Variants in KARS1 observed in about 807,000 individuals in gnomAD.
KARS1 encodes the protein lysine--tRNA ligase.
Under a neutral mutation model 63.9 loss-of-function variants are expected in KARS1, and 50 were observed. That is an observed-to-expected ratio of 0.78 (90% CI 0.62 to 0.99). The LOEUF (loss-of-function observed/expected upper bound fraction) is 0.99, where lower values mean the gene tolerates loss of function less well. Among genes scored for constraint, KARS1 ranks in the 50% least tolerant of loss-of-function variants. The probability of loss-of-function intolerance (pLI) is 0.00; values close to 1 mark genes in which losing one functional copy is unlikely to be tolerated. For synonymous variants in KARS1, 320 were observed against 264.6 expected (o/e 1.21, Z -2.03); for missense variants, 816 against 754.5 (o/e 1.08, Z -0.95).
At chr16:75,646,224 C>A (rs566915949) in intron 1 of KARS1, among the ~76,000 whole-genome samples, 1 of 152,292 alleles carries the variant, frequency 6.6e-6, no homozygotes, top group Non-Finnish European at 1.5e-5. Flanking sequence ...ATATTTGAAG[C>A]ACAAAGCCAG....
At chr16:75,645,179 C>A (rs573392882) in intron 1 of KARS1, among the ~76,000 whole-genome samples, 3 of 151,984 alleles carry the variant, frequency 2.0e-5, no homozygotes, top group African/African-American at 7.2e-5. Flanking sequence ...TTCCCCAGAA[C>A]AATAAACGGA....
intron 2 of KARS1, 30 bp from the exon 3 acceptor site, chr16:75,640,379 C>T: frequency 6.4e-7 from 1 of 1,564,128 alleles, no homozygotes; most frequent in Non-Finnish European, 8.8e-7. Flanking sequence ...AAAAGCCCTT[C>T]AGAAGTTGAA....
At chr16:75,646,986 G>A (rs1334461639) in intron 1 of KARS1, among the ~76,000 whole-genome samples, 1 of 152,138 alleles carries the variant, frequency 6.6e-6, no homozygotes, top group African/African-American at 2.4e-5. Context: ...CAGGGATTTG[G>A]GAGTGGTTAA....
intron 3 of KARS1, 95 bp downstream of exon 3, chr16:75,640,089 T>C: frequency 1.9e-6 from 2 of 1,033,532 alleles, no homozygotes; most frequent in Non-Finnish European, 3.1e-6. Flanking sequence ...ACAGGCTACT[T>C]GAGAACAAGA....
At position 75,631,589 on chromosome 16, in the gene KARS1, C is replaced by T. The variant is rs1417401500; in HGVS notation, c.1079G>A (p.Gly360Glu). ...ACTGCCTGTAATATGCTTCACCATCCCTGGGAGAGAAACCTGTTATTTAGC... is the reference window on the plus strand; with the variant it reads ...ACTGCCTGTAATATGCTTCACCATCTCTGGGAGAGAAACCTGTTATTTAGC... Reference protein sequence around the residue: ...LMEITEKMVSGMVKHITGSYK... With the variant: ...LMEITEKMVSEMVKHITGSYK... The change falls in exon 9 of 14, where the codon GGG becomes GAG. Residue 360 changes from glycine to glutamate, a missense_variant and splice_region_variant. Transcript: ENST00000302445. The T allele has an allele frequency of 6.2e-7, 1 of 1,614,108 alleles. No individual in the cohort carries two copies. The highest frequency in any genetic ancestry group is 2.2e-5 in the East Asian group (1 of 44,882).
Position 75,644,366 on chromosome 16 carries a change from C to T in KARS1, c.63-2643G>A, listed in dbSNP as rs771485286. 1.9e-6 allele frequency: 3 copies of T among 1,612,436 alleles called. No individual in the cohort carries two copies. The highest frequency in any genetic ancestry group is 1.1e-5 in the South Asian group (1 of 90,574). Reference sequence around the variant, plus strand: ...CCAGTCGCAGTTCCCTGTGACCCCACTCTGCCCAGGAGGTTTTGCGCAGGG... The same window carrying T: ...CCAGTCGCAGTTCCCTGTGACCCCATTCTGCCCAGGAGGTTTTGCGCAGGG... On this transcript the variant is annotated intron_variant, in intron 1 of 13. Transcript: ENST00000302445.
chr16:75,645,925 G>A (rs2082277682), intron 1 of KARS1, among the ~76,000 whole-genome samples: 1 of 151,438 alleles, frequency 6.6e-6, no homozygotes, highest in Admixed American at 6.6e-5. Flanking sequence ...CTCTGAACTG[G>A]AAACCGTGCT....
chr16:75,646,266 G>C (rs575715690), intron 1 of KARS1, among the ~76,000 whole-genome samples: 2 of 152,216 alleles, frequency 1.3e-5, no homozygotes, highest in Non-Finnish European at 2.9e-5. Flanking sequence ...GCCAGGGGTG[G>C]TGGCTCAGGC....
chr16:75,641,737 G>A lies in KARS1; in HGVS notation c.63-14C>T. Reference sequence around the variant, plus strand: ...CTCTTCAGCTCACTGTTGGAAAGATGAAAGCGTTCAATGTGTTAGCTGCCT... The same window carrying A: ...CTCTTCAGCTCACTGTTGGAAAGATAAAAGCGTTCAATGTGTTAGCTGCCT... On this transcript the variant is annotated splice_polypyrimidine_tract_variant and intron_variant, in intron 1 of 13. Transcript: ENST00000302445. The A allele has an allele frequency of 6.2e-7, 1 of 1,613,326 alleles. No homozygotes were observed. Among genetic ancestry groups the A allele is most frequent in the Non-Finnish European group, 8.5e-7 (1 of 1,179,984 alleles).
chr16:75,639,004 C>T (rs2082194067), intron 3 of KARS1, among the ~76,000 whole-genome samples: 1 of 151,286 alleles, frequency 6.6e-6, no homozygotes, highest in East Asian at 2.0e-4. Flanking sequence ...TCCGTCTCTA[C>T]TAAAGATACA....
At chr16:75,635,487 A>G (rs779355345) in intron 6 of KARS1, 193 bp downstream of exon 6, 17 of 667,688 alleles carry the variant, frequency 2.5e-5, no homozygotes, top group African/African-American at 1.1e-4. Flanking sequence ...TACCTTGTCC[A>G]TTATCTTGGA....
chr16:75,644,146 C>G, intron 1 of KARS1: 1 of 668,216 alleles, frequency 1.5e-6, no homozygotes, highest in Non-Finnish European at 2.6e-6. Context: ...TGAGAAAGGA[C>G]TATTGGTTTT....
intron 1 of KARS1, chr16:75,647,328 C>T: frequency 3.3e-6 from 2 of 600,648 alleles, no homozygotes; most frequent in Non-Finnish European, 3.0e-6. Flanking sequence ...GTTCCTCCTC[C>T]ACAGTCTCTT....
chr16:75,634,345 A>G, intron 6 of KARS1, 53 bp from the exon 7 acceptor site: 1 of 1,596,484 alleles, frequency 6.3e-7, no homozygotes, highest in Middle Eastern at 1.9e-4. Flanking sequence ...GGCCTTGGGG[A>G]CAGACCATGC....
chr16:75,631,758 C>G lies in KARS1; in HGVS notation c.1013G>C (p.Cys338Ser), dbSNP rs1368396069. ...GTCTGCATAGGCCATGTAGAACTCACAGGTGGTGAACTCAGGATTGTGCGT... is the reference window on the plus strand; with the variant it reads ...GTCTGCATAGGCCATGTAGAACTCAGAGGTGGTGAACTCAGGATTGTGCGT... ...DLTHNPEFTT[C>S]EFYMAYADYH... The change falls in exon 8 of 14, where the codon TGT becomes TCT. Residue 338 changes from cysteine (C) to serine (S), a missense_variant. Cys to Ser is a moderately radical substitution (Grantham distance 112, BLOSUM62 -1). Coordinates refer to ENST00000302445, the MANE Select transcript of KARS1 (RefSeq NM_005548.3). 13 of 1,614,078 alleles carry G rather than the reference C, an allele frequency of 8.1e-6. No individual in the cohort carries two copies. Among genetic ancestry groups the G allele is most frequent in the Non-Finnish European group, 8.5e-6 (10 of 1,180,032 alleles).
rs1292095397 is a variant in KARS1 at position 75,635,691 on chromosome 16, C to T, written c.784G>A (p.Gly262Arg). The T allele has an allele frequency of 1.2e-6, 2 of 1,613,944 alleles. No homozygotes were observed. Among genetic ancestry groups the T allele is most frequent in the African/African-American group, 1.3e-5 (1 of 74,914 alleles). ...TYIRSFLDEL[G>R]FLEIETPMMN... is the part of the protein sequence containing the mutation. ...GGAACTCTCCTTACCTCTAGGAATC[C>T]CAGCTCATCTAAGAAACTTCTTATA... The change falls in exon 6 of 14, where the codon GGA becomes AGA. Residue 262 changes from glycine (G) to arginine (R), a missense_variant. Gly to Arg is a moderately radical substitution (Grantham distance 125, BLOSUM62 -2). Transcript: ENST00000302445.
At chr16:75,646,909 A>G (rs546677152) in intron 1 of KARS1, among the ~76,000 whole-genome samples, 25 of 152,300 alleles carry the variant, frequency 1.6e-4, no homozygotes, top group African/African-American at 6.0e-4. Flanking sequence ...GGGAACGCTA[A>G]TGAGAATATA....
intron 2 of KARS1, 45 bp downstream of exon 2, chr16:75,641,519 G>C: frequency 6.3e-7 from 1 of 1,581,244 alleles, no homozygotes; most frequent in Non-Finnish European, 8.7e-7. Flanking sequence ...AGCCTCATCA[G>C]AAGCTTTCCT....
intron 1 of KARS1, among the ~76,000 whole-genome samples, chr16:75,646,276 CTCACG>C: frequency 6.6e-6 from 1 of 152,326 alleles, no homozygotes; most frequent in East Asian, 1.9e-4. Flanking sequence ...GTGGCTCAGG[CTCACG>C]CCTGTCATCC....
Sources: allele counts gnomAD v4.1 joint callset (sites outside exome capture counted in the v4.1 genomes callset), GRCh38; gene constraint gnomAD v4.1.1; transcripts MANE v1.5; gene names NCBI Gene and HGNC (gene_info 2026-07-23, HGNC 2026-07-21).